Variants in ESCO1 observed in about 807,000 individuals in gnomAD.
The protein encoded by ESCO1 is establishment of sister chromatid cohesion N-acetyltransferase 1, also known as N-acetyltransferase ESCO1.
A neutral mutation model predicts 83.5 loss-of-function variants in ESCO1; 33 were observed. The observed-to-expected ratio is 0.40, with a 90% confidence interval of 0.30 to 0.53. The LOEUF is 0.53. Ranked by LOEUF, ESCO1 falls within the 20% of genes least tolerant of loss-of-function variation. ESCO1 has a pLI of 0.63. For synonymous variants in ESCO1, 332 were observed against 324.3 expected, an observed-to-expected ratio of 1.02 and a Z score of -0.25; for missense variants, 855 against 968.0, an observed-to-expected ratio of 0.88 and a Z score of 1.55.
chr18:21,570,455 T>C (rs1697186817), intron 4 of ESCO1, among the ~76,000 whole-genome samples: 1 of 152,164 alleles, frequency 6.6e-6, no homozygotes, highest in Non-Finnish European at 1.5e-5. Context: ...TTCCCATAGT[T>C]TTAAAAATAC....
rs561955760 is a variant in ESCO1 at position 21,575,679 on chromosome 18, G to T, written c.-595C>A. 11 of 398,292 alleles carry T rather than the reference G, an allele frequency of 2.8e-5. 1 individual carries two copies. In the South Asian group the frequency reaches 1.1e-3, roughly 41 times the overall value. The allele number at this position is 398,292 out of a possible 1,614,324, so 24.7% of individuals were successfully genotyped here. A position where few individuals can be genotyped will look rare whatever the true frequency, so the allele number is the denominator to read the frequency against. On this transcript the variant is annotated 5_prime_UTR_variant, in exon 3 of 12. Coordinates refer to ENST00000269214, the MANE Select transcript of ESCO1 (RefSeq NM_052911.3). ...TCCTTGAGGTTTACTTACAGTTTTT[G>T]CCCCAAAATATAGACTCGATGTCTC... is the stretch of plus-strand genomic sequence containing the variant.
intron 8 of ESCO1, among the ~76,000 whole-genome samples, chr18:21,555,379 GA>G (rs1227420200): frequency 6.6e-6 from 1 of 152,110 alleles, no homozygotes; most frequent in Non-Finnish European, 1.5e-5. Flanking sequence ...GAATATACAA[GA>G]AAATCCTAAT....
intron 8 of ESCO1, among the ~76,000 whole-genome samples, chr18:21,556,601 T>C (rs551602410): frequency 2.0e-5 from 3 of 152,208 alleles, no homozygotes; most frequent in South Asian, 2.1e-4. Flanking sequence ...TTTTAAGCAC[T>C]GGATAGTACG....
chr18:21,530,570 A>T, intron 11 of ESCO1, 80 bp from the exon 12 acceptor site: 1 of 1,350,956 alleles, frequency 7.4e-7, no homozygotes, highest in Non-Finnish European at 1.0e-6. Context: ...TAAAACTGGA[A>T]TAACCTGTCA....
intron 10 of ESCO1, among the ~76,000 whole-genome samples, chr18:21,534,732 A>G (rs2037811428): frequency 6.6e-6 from 1 of 151,722 alleles, no homozygotes; most frequent in Non-Finnish European, 1.5e-5. Context: ...GGTTCAAGCA[A>G]TTCTCCTGCC....
chr18:21,594,951 G>T (rs1220230361), intron 1 of ESCO1, among the ~76,000 whole-genome samples: 1 of 151,642 alleles, frequency 6.6e-6, no homozygotes. Flanking sequence ...GTGTGTGTGT[G>T]TGTGTGTGTG....
At chr18:21,563,581 C>T (rs1050076637) in intron 7 of ESCO1, among the ~76,000 whole-genome samples, 4 of 152,158 alleles carry the variant, frequency 2.6e-5, no homozygotes, top group African/African-American at 9.7e-5. Flanking sequence ...CTCCCGACCT[C>T]AGGTGATCCA....
At chr18:21,548,115 AAAAAG>A (rs2037997384) in intron 8 of ESCO1, among the ~76,000 whole-genome samples, 1 of 151,994 alleles carries the variant, frequency 6.6e-6, no homozygotes, top group Non-Finnish European at 1.5e-5. Context: ...AAGAAAAAAG[AAAAAG>A]AAAAGTTATT....
chr18:21,560,283 T>TA (rs1334689331), intron 8 of ESCO1, among the ~76,000 whole-genome samples: 1 of 151,034 alleles, frequency 6.6e-6, no homozygotes, highest in Non-Finnish European at 1.5e-5. Context: ...GCACTTCCAT[T>TA]AAAAAATATA....
chr18:21,563,075 T>TG (rs2038210609), intron 7 of ESCO1, among the ~76,000 whole-genome samples: 1 of 152,036 alleles, frequency 6.6e-6, no homozygotes, highest in South Asian at 2.1e-4. Flanking sequence ...TTCTCGGTGT[T>TG]GGTCAGGCTG....
intron 6 of ESCO1, among the ~76,000 whole-genome samples, chr18:21,564,905 A>G (rs1036940143): frequency 2.6e-5 from 4 of 151,670 alleles, no homozygotes; most frequent in Non-Finnish European, 1.5e-5. Flanking sequence ...ACTAAAATAA[A>G]AATAAATAAA....
chr18:21,583,342 A>ATTTT (rs1239513762), intron 2 of ESCO1, among the ~76,000 whole-genome samples: 1 of 151,578 alleles, frequency 6.6e-6, no homozygotes, highest in Non-Finnish European at 1.5e-5. Context: ...ACTAATAAAA[A>ATTTT]AAAGAAAAAA....
At chr18:21,567,356 G>C (rs1338860398) in intron 5 of ESCO1, among the ~76,000 whole-genome samples, 1 of 151,896 alleles carries the variant, frequency 6.6e-6, no homozygotes, top group Admixed American at 6.6e-5. Flanking sequence ...TAGAAACGGA[G>C]GTCTCACCAC....
chr18:21,531,485 A>G (rs1253099167), intron 11 of ESCO1, among the ~76,000 whole-genome samples: 5 of 152,058 alleles, frequency 3.3e-5, no homozygotes, highest in Non-Finnish European at 7.4e-5. Context: ...AGAAGCATTA[A>G]GACTTGTACA....
intron 6 of ESCO1, 100 bp downstream of exon 6, chr18:21,566,045 TA>T: frequency 1.9e-6 from 2 of 1,030,536 alleles, no homozygotes; most frequent in Non-Finnish European, 1.5e-6. Flanking sequence ...AATCTGTAGG[TA>T]AACTGAGGGT....
At chr18:21,533,568 T>C (rs2037795342) in intron 10 of ESCO1, among the ~76,000 whole-genome samples, 1 of 152,180 alleles carries the variant, frequency 6.6e-6, no homozygotes, top group South Asian at 2.1e-4. Flanking sequence ...ACTAGCCTTC[T>C]GATGGGACAA....
At chr18:21,564,546 A>G (rs1370181399) in intron 6 of ESCO1, among the ~76,000 whole-genome samples, 4 of 86,252 alleles carry the variant, frequency 4.6e-5, no homozygotes, top group African/African-American at 1.7e-4. Flanking sequence ...GCCAGCCACC[A>G]CGCCCAGCTA....
chr18:21,544,312 A>C (rs1404681904), intron 8 of ESCO1, among the ~76,000 whole-genome samples: 1 of 151,754 alleles, frequency 6.6e-6, no homozygotes, highest in East Asian at 1.9e-4. Context: ...TCTTTAAGCA[A>C]TACATATTTA....
chr18:21,591,354 T>C (rs1176296191), intron 1 of ESCO1, among the ~76,000 whole-genome samples: 1 of 152,164 alleles, frequency 6.6e-6, no homozygotes, highest in Non-Finnish European at 1.5e-5. Context: ...TTTAAGATAA[T>C]AAATTTCTAT....
Sources: gnomAD v4.1 joint callset for allele counts (sites outside exome capture counted in the v4.1 genomes callset) on GRCh38, gnomAD v4.1.1 for gene constraint, MANE v1.5 for transcripts, NCBI Gene and HGNC (gene_info 2026-07-23, HGNC 2026-07-21) for gene names.